Variants in IGF1R observed in about 807,000 individuals in gnomAD.
The protein encoded by IGF1R is insulin like growth factor 1 receptor, also known as insulin-like growth factor 1 receptor.
In IGF1R, 44 loss-of-function variants were observed where a neutral mutation model predicts 144.6. The ratio of observed to expected loss-of-function variants is 0.30; its 90% CI spans 0.24 to 0.39. IGF1R has a LOEUF of 0.39. IGF1R is among the 10% of genes least tolerant of loss of function. The pLI, the probability that IGF1R is intolerant of heterozygous loss-of-function variation, is 1.00. For missense variants in IGF1R, 1,355 were observed against 1,833.7 expected (o/e 0.74, Z 4.77); for synonymous variants, 795 against 722.8 (o/e 1.10, Z -1.60).
At chr15:98,728,920 T>G (rs2141293033) in intron 2 of IGF1R, among the ~76,000 whole-genome samples, 1 of 152,316 alleles carries the variant, frequency 6.6e-6, no homozygotes, top group South Asian at 2.1e-4. Flanking sequence ...TGAAGAGAAT[T>G]TACCTTCCTA....
chr15:98,823,196 T>G (rs1156990242), intron 2 of IGF1R, among the ~76,000 whole-genome samples: 2 of 152,262 alleles, frequency 1.3e-5, no homozygotes, highest in Admixed American at 1.3e-4. Flanking sequence ...ACATAAGATG[T>G]GCTGTTCCTC....
At chr15:98,673,633 A>G (rs1486389497) in intron 1 of IGF1R, among the ~76,000 whole-genome samples, 1 of 152,182 alleles carries the variant, frequency 6.6e-6, no homozygotes, top group Non-Finnish European at 1.5e-5. Context: ...TGCTGGGTAC[A>G]TGTTTTGCAG....
chr15:98,912,985 A>AT, intron 7 of IGF1R, 59 bp from the exon 8 acceptor site: 2 of 1,198,970 alleles, frequency 1.7e-6, no homozygotes, highest in Non-Finnish European at 2.5e-6. Context: ...TCTGGGGAAG[A>AT]TTTTTGAGGG....
At chr15:98,733,884 T>C (rs938684882) in intron 2 of IGF1R, among the ~76,000 whole-genome samples, 6 of 152,188 alleles carry the variant, frequency 3.9e-5, no homozygotes, top group Non-Finnish European at 5.9e-5. Context: ...AAAAGTCTTA[T>C]ATCTAGATAA....
chr15:98,650,472 C>T (rs1156331459), intron 1 of IGF1R, among the ~76,000 whole-genome samples: 1 of 152,236 alleles, frequency 6.6e-6, no homozygotes, highest in Non-Finnish European at 1.5e-5. Context: ...ACTGGGTCCC[C>T]AGTTCAGAGG....
chr15:98,755,262 T>C (rs1469472376), intron 2 of IGF1R, among the ~76,000 whole-genome samples: 2 of 152,164 alleles, frequency 1.3e-5, no homozygotes, highest in East Asian at 3.8e-4. Context: ...CTGCGGAGTT[T>C]GAAACGAGTT....
At chr15:98,843,774 T>G (rs2011220800) in intron 2 of IGF1R, among the ~76,000 whole-genome samples, 1 of 152,164 alleles carries the variant, frequency 6.6e-6, no homozygotes, top group Non-Finnish European at 1.5e-5. Flanking sequence ...TGTTTTTTGT[T>G]TCACCATAAG....
chr15:98,932,434 A>G (rs2015980302), intron 15 of IGF1R, among the ~76,000 whole-genome samples: 1 of 152,188 alleles, frequency 6.6e-6, no homozygotes, highest in African/African-American at 2.4e-5. Flanking sequence ...TTGTGCACAG[A>G]AACCGCTCCT....
At chr15:98,799,013 T>C (rs537919418) in intron 2 of IGF1R, among the ~76,000 whole-genome samples, 6 of 152,202 alleles carry the variant, frequency 3.9e-5, no homozygotes, top group Non-Finnish European at 7.4e-5. Flanking sequence ...TTGACAGAAT[T>C]ATGTGTGTCC....
At chr15:98,668,693 C>T (rs2052806088) in intron 1 of IGF1R, among the ~76,000 whole-genome samples, 1 of 152,338 alleles carries the variant, frequency 6.6e-6, no homozygotes, top group East Asian at 1.9e-4. Flanking sequence ...TTAAATTTCA[C>T]TCTCTGAAAA....
At chr15:98,920,637 A>T (rs1309509125) in intron 10 of IGF1R, among the ~76,000 whole-genome samples, 1 of 152,084 alleles carries the variant, frequency 6.6e-6, no homozygotes, top group Admixed American at 6.5e-5. Flanking sequence ...TGGTTTGCAG[A>T]GTGTGAGGAT....
intron 17 of IGF1R, among the ~76,000 whole-genome samples, 153 bp from the exon 18 acceptor site, chr15:98,939,048 A>G (rs969718605): frequency 2.0e-5 from 3 of 152,196 alleles, no homozygotes; most frequent in African/African-American, 2.4e-5. Context: ...GCTCTCCATG[A>G]TGGTTTGTTC....
intron 1 of IGF1R, among the ~76,000 whole-genome samples, chr15:98,651,308 G>A (rs962339500): frequency 3.3e-5 from 5 of 152,212 alleles, no homozygotes; most frequent in African/African-American, 1.2e-4. Context: ...GTTTACTGCC[G>A]AGTGGGACGC....
At chr15:98,663,654 A>G (rs2052653779) in intron 1 of IGF1R, among the ~76,000 whole-genome samples, 1 of 152,122 alleles carries the variant, frequency 6.6e-6, no homozygotes, top group Admixed American at 6.5e-5. Flanking sequence ...CAGGCTGGAG[A>G]CTGACCCCTG....
At chr15:98,767,088 A>T (rs887929335) in intron 2 of IGF1R, among the ~76,000 whole-genome samples, 21 of 152,122 alleles carry the variant, frequency 1.4e-4, no homozygotes, top group African/African-American at 4.8e-4. Flanking sequence ...GGATTTCCAC[A>T]TGGTTCATTA....
Position 98,958,497 on chromosome 15 carries a change from T to G in IGF1R, c.*1055T>G, listed in dbSNP as rs559171016. ...GATGCAGGTTTGCAAGGAAAGAAATTCAAACACCACAACAGCAGTAAGAAG... is the reference window on the plus strand; with the variant it reads ...GATGCAGGTTTGCAAGGAAAGAAATGCAAACACCACAACAGCAGTAAGAAG... On this transcript the variant is annotated 3_prime_UTR_variant, in exon 21 of 21. Coordinates refer to ENST00000650285, the MANE Select transcript of IGF1R (RefSeq NM_000875.5). 1 of 231,314 alleles carries G rather than the reference T, an allele frequency of 4.3e-6. No individual in the cohort carries two copies. Among genetic ancestry groups the G allele is most frequent in the African/African-American group, 2.2e-5 (1 of 45,316 alleles). The allele number at this position is 231,314 out of a possible 1,614,324, so 14.3% of individuals were successfully genotyped here.
At chr15:98,898,324 T>C (rs992474479) in intron 4 of IGF1R, among the ~76,000 whole-genome samples, 1 of 152,250 alleles carries the variant, frequency 6.6e-6, no homozygotes, top group African/African-American at 2.4e-5. Context: ...GAAGTATCAT[T>C]TATGAAGGGA....
At chr15:98,653,121 C>A (rs999786356) in intron 1 of IGF1R, among the ~76,000 whole-genome samples, 1 of 152,014 alleles carries the variant, frequency 6.6e-6, no homozygotes, top group Non-Finnish European at 1.5e-5. Flanking sequence ...AACAGGGATT[C>A]AATCCCGCAG....
At position 98,932,289 on chromosome 15, in the gene IGF1R, GTT is replaced by G. The variant is rs552432147; in HGVS notation, c.2956+1986_2956+1987del. Among the ~76,000 whole-genome samples the G allele has an allele frequency of 9.5e-4, 145 of 152,342 alleles. 1 individual carries two copies. Among genetic ancestry groups the G allele is most frequent in the African/African-American group, 3.4e-3 (141 of 41,584 alleles). On this transcript the variant is annotated intron_variant, in intron 15 of 20. Transcript: ENST00000650285. ...GGCCTTTGAGAAGCACTTATAGCCAGTTTCCTCGAGGGGCAACAAAATGACAT... is the reference window on the plus strand; with the variant it reads ...GGCCTTTGAGAAGCACTTATAGCCAGTCCTCGAGGGGCAACAAAATGACAT...
Sources: gnomAD v4.1 joint callset for allele counts (sites outside exome capture counted in the v4.1 genomes callset) on GRCh38, gnomAD v4.1.1 for gene constraint, MANE v1.5 for transcripts, NCBI Gene and HGNC (gene_info 2026-07-23, HGNC 2026-07-21) for gene names.